ASIC2: variants seen among roughly 807,000 people sequenced by gnomAD.
ASIC2 encodes the protein acid-sensing ion channel 2.
A neutral mutation model predicts 57.3 loss-of-function variants in ASIC2; 25 were observed. The ratio of observed to expected loss-of-function variants is 0.44; its 90% CI spans 0.32 to 0.61. ASIC2 has a LOEUF of 0.61. Among genes scored for constraint, ASIC2 ranks in the 20% least tolerant of loss-of-function variants. The probability of loss-of-function intolerance (pLI) is 0.06; values close to 1 mark genes in which losing one functional copy is unlikely to be tolerated. For synonymous variants in ASIC2, 319 were observed against 307.5 expected (o/e 1.04, Z -0.39); for missense variants, 641 against 738.1 (o/e 0.87, Z 1.52).
rs143060907 is a variant in ASIC2 at position 34,065,081 on chromosome 17, G to A, written c.555+90897C>T. Among the ~76,000 whole-genome samples, 4 of 152,282 alleles carry A rather than the reference G, an allele frequency of 2.6e-5. No homozygotes were observed. The East Asian group carries it at 7.7e-4, about 29-fold the overall frequency. The stretch of plus-strand genomic sequence containing the variant: ...TTGAAGAACATACTTGCATATGCAT[G>A]TTTATAGCAGCACAATTCACAACTG... On this transcript the variant is annotated intron_variant, in intron 1 of 9. Coordinates refer to the ASIC2 transcript ENST00000359872.
chr17:33,462,650 G>T (rs1043198189), intron 1 of ASIC2, among the ~76,000 whole-genome samples: 1 of 152,212 alleles, frequency 6.6e-6, no homozygotes, highest in African/African-American at 2.4e-5. Flanking sequence ...GCTCATATTT[G>T]CTGAGAAATA....
intron 1 of ASIC2, among the ~76,000 whole-genome samples, chr17:33,842,079 T>C (rs1913454502): frequency 6.6e-6 from 1 of 152,056 alleles, no homozygotes; most frequent in South Asian, 2.1e-4. Flanking sequence ...TACAGTCCAG[T>C]GGTGGTGGGC....
At chr17:33,048,891 AT>A (rs1205315757) in intron 3 of ASIC2, among the ~76,000 whole-genome samples, 1 of 152,052 alleles carries the variant, frequency 6.6e-6, no homozygotes, top group Non-Finnish European at 1.5e-5. Flanking sequence ...CCTACGTATT[AT>A]TTTCTTCCAG....
At chr17:33,152,851 T>G (rs141630158) in intron 1 of ASIC2, among the ~76,000 whole-genome samples, 4 of 152,198 alleles carry the variant, frequency 2.6e-5, no homozygotes, top group African/African-American at 9.7e-5. Flanking sequence ...TTTTTTAACT[T>G]TCCACTGGGA....
chr17:33,616,716 G>C (rs1050538694), intron 1 of ASIC2, among the ~76,000 whole-genome samples: 2 of 152,212 alleles, frequency 1.3e-5, no homozygotes, highest in African/African-American at 4.8e-5. Context: ...GCATTTCCCA[G>C]ACTCCCTTGC....
intron 1 of ASIC2, among the ~76,000 whole-genome samples, chr17:34,111,982 A>G (rs1911291451): frequency 6.6e-6 from 1 of 152,228 alleles, no homozygotes; most frequent in Non-Finnish European, 1.5e-5. Context: ...TAACTATATT[A>G]AAATGCATAG....
At chr17:33,775,885 C>A (rs925076612) in intron 1 of ASIC2, among the ~76,000 whole-genome samples, 1 of 152,124 alleles carries the variant, frequency 6.6e-6, no homozygotes, top group Non-Finnish European at 1.5e-5. Flanking sequence ...GTAATCCCAG[C>A]ACTTTGGGAG....
At chr17:33,611,328 C>T (rs190147797) in intron 1 of ASIC2, among the ~76,000 whole-genome samples, 18 of 152,296 alleles carry the variant, frequency 1.2e-4, no homozygotes, top group East Asian at 1.9e-4. Context: ...AGCTCACACG[C>T]GACCCTTCCC....
chr17:33,088,428 G>A (rs1446033377), intron 3 of ASIC2, among the ~76,000 whole-genome samples: 11 of 152,064 alleles, frequency 7.2e-5, no homozygotes. Flanking sequence ...ACAAGGGCTC[G>A]CTCCACTTAA....
At chr17:33,527,371 C>T (rs1271677480) in intron 1 of ASIC2, among the ~76,000 whole-genome samples, 1 of 152,176 alleles carries the variant, frequency 6.6e-6, no homozygotes, top group Non-Finnish European at 1.5e-5. Context: ...TGACTCTTAC[C>T]AGAAACCAAC....
In ASIC2 at chr17:33,013,923, T is replaced by C. The variant is rs950414252; in HGVS notation, c.*42A>G. ...TGTTCCTTGTCCTGGGTCTTGGGCC[T>C]CAAGGTCTGTTTGGAGGGAGTGCTG... On this transcript the variant is annotated 3_prime_UTR_variant, in exon 10 of 10. Transcript: ENST00000225823. 7.4e-6 allele frequency: 11 copies of C among 1,492,914 alleles called. No homozygotes were observed. Among genetic ancestry groups the C allele is most frequent in the African/African-American group, 7.0e-5 (5 of 71,876 alleles). 92.5% of individuals were successfully genotyped at this position (1,492,914 alleles called of 1,614,324 possible). A position where few individuals can be genotyped will look rare whatever the true frequency, so the allele number is the denominator to read the frequency against.
At chr17:33,511,023 T>G (rs775224726) in intron 1 of ASIC2, among the ~76,000 whole-genome samples, 3 of 152,220 alleles carry the variant, frequency 2.0e-5, no homozygotes, top group Non-Finnish European at 2.9e-5. Context: ...GATTTTCACA[T>G]GTACATTTAT....
chr17:33,073,361 G>T (rs1044076408), intron 3 of ASIC2, among the ~76,000 whole-genome samples: 2 of 152,184 alleles, frequency 1.3e-5, no homozygotes, highest in Admixed American at 6.5e-5. Flanking sequence ...AGAAGGCTCT[G>T]GTCCCTTTGC....
chr17:33,200,485 T>C (rs991165745), intron 1 of ASIC2, among the ~76,000 whole-genome samples: 2 of 152,190 alleles, frequency 1.3e-5, no homozygotes, highest in South Asian at 2.1e-4. Context: ...CTGATGATCC[T>C]TCCCAAACCG....
intron 1 of ASIC2, among the ~76,000 whole-genome samples, chr17:33,363,030 T>A (rs1293355948): frequency 6.6e-6 from 1 of 152,244 alleles, no homozygotes; most frequent in African/African-American, 2.4e-5. Flanking sequence ...TGCTTCTATT[T>A]CCTCTTGATT....
chr17:33,205,006 G>A (rs1351290063), intron 1 of ASIC2, among the ~76,000 whole-genome samples: 1 of 152,230 alleles, frequency 6.6e-6, no homozygotes, highest in Non-Finnish European at 1.5e-5. Context: ...AAGGTCTCTT[G>A]TTTACTTAAG....
chr17:33,886,974 AT>A (rs35915167), intron 1 of ASIC2, among the ~76,000 whole-genome samples: 12 of 152,154 alleles, frequency 7.9e-5, no homozygotes, highest in Middle Eastern at 3.4e-3. Flanking sequence ...CAAAAAATGC[AT>A]TTTTTTCCCA....
intron 1 of ASIC2, among the ~76,000 whole-genome samples, chr17:34,154,696 G>C (rs75514108): frequency 0.018 from 2,691 of 152,310 alleles, 82 homozygotes; most frequent in African/African-American, 0.061. Flanking sequence ...TCATTAGGCA[G>C]AGGACCCTAG....
At chr17:33,966,091 G>A (rs1015241894) in intron 1 of ASIC2, among the ~76,000 whole-genome samples, 3 of 152,222 alleles carry the variant, frequency 2.0e-5, no homozygotes, top group African/African-American at 7.2e-5. Flanking sequence ...TTAGTAACAT[G>A]AAGATAGCAA....
Sources: allele counts gnomAD v4.1 joint callset (sites outside exome capture counted in the v4.1 genomes callset), GRCh38; gene constraint gnomAD v4.1.1; transcripts MANE v1.5; gene names NCBI Gene and HGNC (gene_info 2026-07-23, HGNC 2026-07-21).